The following CSMD1 variants were observed in gnomAD, a reference collection of about 807,000 sequenced individuals.
CSMD1 encodes CUB and sushi domain-containing protein 1.
CSMD1 carries 213 observed loss-of-function variants against 417.5 expected under a neutral mutation model. The observed-to-expected ratio is 0.51, with a 90% CI of 0.46 to 0.57. The LOEUF (loss-of-function observed/expected upper bound fraction) is 0.57, where lower values mean the gene tolerates loss of function less well. Ranked by LOEUF, CSMD1 falls within the 20% of genes least tolerant of loss-of-function variation. The pLI is 0.00. For missense variants in CSMD1, 6,923 were observed against 4,529.7 expected (o/e 1.53, Z -15.17); for synonymous variants, 2,862 against 1,736.8 (o/e 1.65, Z -16.11).
Position 3,291,007 on chromosome 8 carries a change from C to T in CSMD1, c.3951-6661G>A, listed in dbSNP as rs1313759584. Among the ~76,000 whole-genome samples the T allele has an allele frequency of 2.0e-5, 3 of 152,130 alleles. No homozygotes were observed. The East Asian group carries it at 5.8e-4, about 29-fold the overall frequency. ...ATTTTGAGATACGTCCCATCAACAC[C>T]TAATTTTTTGAGAGTTTTTAGCATG... On this transcript the variant is annotated intron_variant, in intron 25 of 69. Transcript: ENST00000635120.
intron 2 of CSMD1, among the ~76,000 whole-genome samples, chr8:4,519,986 G>T (rs1447421290): frequency 6.6e-6 from 1 of 150,604 alleles, no homozygotes; most frequent in Non-Finnish European, 1.5e-5. Context: ...TTCAACCAAA[G>T]GTTATCAGAG....
At chr8:4,709,973 G>T (rs950380988) in intron 1 of CSMD1, among the ~76,000 whole-genome samples, 6 of 152,170 alleles carry the variant, frequency 3.9e-5, no homozygotes, top group Admixed American at 2.0e-4. Context: ...GGTCGATTTA[G>T]AAATTTTGAT....
chr8:3,708,639 T>G (rs10105599), intron 6 of CSMD1, 148 bp from the exon 7 acceptor site: 599,576 of 650,626 alleles, frequency 0.92, 277,261 homozygotes, highest in East Asian at 0.99. Context: ...ACCAAGTCAA[T>G]GAAGTCAAAG....
intron 10 of CSMD1, among the ~76,000 whole-genome samples, chr8:3,534,371 T>G (rs1359761836): frequency 6.6e-6 from 1 of 152,280 alleles, no homozygotes; most frequent in African/African-American, 2.4e-5. Context: ...AATGCCGTGT[T>G]CAGGATTGCT....
At chr8:3,360,443 G>T (rs769338840) in intron 20 of CSMD1, among the ~76,000 whole-genome samples, 7 of 152,304 alleles carry the variant, frequency 4.6e-5, no homozygotes, top group African/African-American at 1.4e-4. Context: ...TTGACAGTGG[G>T]AAGTGAGAAA....
chr8:4,784,807 C>A (rs75655161), intron 1 of CSMD1, among the ~76,000 whole-genome samples: 1,587 of 152,210 alleles, frequency 0.01, 13 homozygotes, highest in East Asian at 0.056. Context: ...AGAATCTCAG[C>A]AAAGCATTGT....
chr8:3,209,292 T>A (rs1435827623), intron 30 of CSMD1, among the ~76,000 whole-genome samples: 1 of 1,006 alleles, frequency 9.9e-4, no homozygotes, highest in East Asian at 5.6e-3. Context: ...TGTTTGTTTG[T>A]TTATTTATTT....
intron 11 of CSMD1, among the ~76,000 whole-genome samples, chr8:3,486,986 C>A (rs1386144923): frequency 6.6e-6 from 1 of 152,138 alleles, no homozygotes; most frequent in South Asian, 2.1e-4. Flanking sequence ...CTCAATCCTC[C>A]TTGATCCTGG....
At chr8:3,309,943 C>CAAAG (rs1399111962) in intron 23 of CSMD1, among the ~76,000 whole-genome samples, 6 of 151,942 alleles carry the variant, frequency 3.9e-5, no homozygotes, top group African/African-American at 9.6e-5. Flanking sequence ...TTTCCTTCCA[C>CAAAG]AAAGAGTCAG....
At chr8:4,672,097 C>T (rs1163541817) in intron 1 of CSMD1, among the ~76,000 whole-genome samples, 1 of 152,234 alleles carries the variant, frequency 6.6e-6, no homozygotes, top group East Asian at 1.9e-4. Context: ...CGGCTTTCTA[C>T]AGTGACAGGA....
intron 1 of CSMD1, among the ~76,000 whole-genome samples, chr8:4,679,705 G>A (rs1805916819): frequency 1.3e-5 from 2 of 152,024 alleles, no homozygotes; most frequent in Non-Finnish European, 2.9e-5. Context: ...ACACTCAGTG[G>A]ATTTTTGCTG....
At chr8:4,416,760 A>G (rs1796964802) in intron 3 of CSMD1, among the ~76,000 whole-genome samples, 1 of 152,056 alleles carries the variant, frequency 6.6e-6, no homozygotes, top group Non-Finnish European at 1.5e-5. Context: ...TCTCATGTCA[A>G]TTTTCTGACT....
At chr8:3,940,996 G>A (rs1403945634) in intron 5 of CSMD1, among the ~76,000 whole-genome samples, 2 of 150,500 alleles carry the variant, frequency 1.3e-5, no homozygotes, top group Non-Finnish European at 3.0e-5. Context: ...TTTTTTGGAG[G>A]CATAATAGAT....
At chr8:4,173,857 G>A (rs1309991893) in intron 3 of CSMD1, among the ~76,000 whole-genome samples, 1 of 152,160 alleles carries the variant, frequency 6.6e-6, no homozygotes, top group East Asian at 1.9e-4. Context: ...TTCTTGGGAA[G>A]TCTCTTCTCT....
chr8:4,421,907 C>G (rs1236999290), intron 2 of CSMD1, among the ~76,000 whole-genome samples: 1 of 151,896 alleles, frequency 6.6e-6, no homozygotes, highest in Non-Finnish European at 1.5e-5. Flanking sequence ...TTGAAAAAGA[C>G]TGACTAAATA....
chr8:2,969,114 A>T (rs1217784870), intron 57 of CSMD1, among the ~76,000 whole-genome samples: 1 of 152,152 alleles, frequency 6.6e-6, no homozygotes, highest in Non-Finnish European at 1.5e-5. Context: ...AGTGCCTTTA[A>T]CCATAAAATG....
intron 3 of CSMD1, among the ~76,000 whole-genome samples, chr8:4,105,991 G>A (rs1177922432): frequency 6.6e-6 from 1 of 152,188 alleles, no homozygotes; most frequent in African/African-American, 2.4e-5. Flanking sequence ...AAAATGTAGA[G>A]CAGGAGATTG....
chr8:4,198,513 G>A (rs1031679332), intron 3 of CSMD1, among the ~76,000 whole-genome samples: 3 of 152,200 alleles, frequency 2.0e-5, no homozygotes, highest in Non-Finnish European at 4.4e-5. Context: ...CACTAGGATG[G>A]ATTTGGGGGA....
At chr8:3,225,944 T>C (rs1798475616) in intron 27 of CSMD1, among the ~76,000 whole-genome samples, 1 of 152,226 alleles carries the variant, frequency 6.6e-6, no homozygotes, top group African/African-American at 2.4e-5. Context: ...AAAATCCACC[T>C]ATTCTTTTCG....
Sources: gnomAD v4.1 joint callset for allele counts (sites outside exome capture counted in the v4.1 genomes callset) on GRCh38, gnomAD v4.1.1 for gene constraint, MANE v1.5 for transcripts, NCBI Gene and HGNC (gene_info 2026-07-23, HGNC 2026-07-21) for gene names.